MDGA2: variants seen among roughly 807,000 people sequenced by gnomAD.
The protein encoded by MDGA2 is MAM domain containing glycosylphosphatidylinositol anchor 2, also known as MAM domain-containing glycosylphosphatidylinositol anchor protein 2.
A neutral mutation model predicts 117.8 loss-of-function variants in MDGA2; 40 were observed. The observed-to-expected ratio is 0.34, with a 90% CI of 0.26 to 0.44. MDGA2 has a LOEUF of 0.44. MDGA2 is among the 20% of genes least tolerant of loss of function. The pLI, the probability that MDGA2 is intolerant of heterozygous loss-of-function variation, is 1.00. For missense variants in MDGA2, 1,123 were observed against 1,250.6 expected, an observed-to-expected ratio of 0.90 and a Z score of 1.54; for synonymous variants, 452 against 439.0, an observed-to-expected ratio of 1.03 and a Z score of -0.37.
chr14:47,076,019 C>T lies in MDGA2; in HGVS notation c.1196-14441G>A, dbSNP rs1890478084. Reference sequence around the variant, plus strand: ...TAGTATCGAATACTCACAAAAAAACCCAAAGAATAACTAACAAATAAAACT... The same window carrying T: ...TAGTATCGAATACTCACAAAAAAACTCAAAGAATAACTAACAAATAAAACT... On this transcript the variant is annotated intron_variant, in intron 6 of 16. Transcript: ENST00000399232. Among the ~76,000 whole-genome samples the T allele has an allele frequency of 6.6e-5, 10 of 151,912 alleles. No individual in the cohort carries two copies. In the South Asian group the frequency reaches 2.1e-3, roughly 31 times the overall value.
At chr14:47,270,589 T>C (rs923028916) in intron 2 of MDGA2, among the ~76,000 whole-genome samples, 2 of 152,176 alleles carry the variant, frequency 1.3e-5, no homozygotes, top group Non-Finnish European at 2.9e-5. Flanking sequence ...GTGGCTCAAA[T>C]GACAAGGTGG....
intron 2 of MDGA2, among the ~76,000 whole-genome samples, chr14:47,235,623 G>A (rs1182282286): frequency 6.6e-6 from 1 of 152,202 alleles, no homozygotes; most frequent in African/African-American, 2.4e-5. Context: ...GAGAAGAAAA[G>A]GGGATGGACA....
chr14:47,002,813 G>A (rs1037955500), intron 8 of MDGA2, among the ~76,000 whole-genome samples: 1 of 152,018 alleles, frequency 6.6e-6, no homozygotes, highest in African/African-American at 2.4e-5. Flanking sequence ...TGCATTTTGT[G>A]TAAGTCTGTC....
chr14:47,322,253 G>A (rs1890002256), intron 1 of MDGA2, among the ~76,000 whole-genome samples: 1 of 152,132 alleles, frequency 6.6e-6, no homozygotes, highest in Admixed American at 6.6e-5. Context: ...AGAGTAAACA[G>A]TTGTAAAGCA....
At chr14:47,036,788 TATAGAGACAA>T (rs1455928604) in intron 7 of MDGA2, among the ~76,000 whole-genome samples, 4 of 152,244 alleles carry the variant, frequency 2.6e-5, no homozygotes. Flanking sequence ...TTTTCCTCAT[TATAGAGACAA>T]ATAAATTCAA....
At chr14:47,414,341 T>C (rs182696641) in intron 1 of MDGA2, among the ~76,000 whole-genome samples, 4 of 152,316 alleles carry the variant, frequency 2.6e-5, no homozygotes, top group Admixed American at 1.3e-4. Flanking sequence ...TTGAGTATTT[T>C]ATTACAGTAT....
chr14:47,522,596 T>A (rs1037529128), intron 1 of MDGA2, among the ~76,000 whole-genome samples: 7 of 81,810 alleles, frequency 8.6e-5, no homozygotes, highest in African/African-American at 2.7e-4. Flanking sequence ...ATTTCTAAGT[T>A]TCAAATTTTA....
intron 5 of MDGA2, among the ~76,000 whole-genome samples, chr14:47,099,068 GT>G (rs1880149764): frequency 6.6e-6 from 1 of 151,880 alleles, no homozygotes; most frequent in East Asian, 1.9e-4. Context: ...TATTGCTCAA[GT>G]TACGTTTATT....
chr14:47,093,823 A>G (rs993692993), intron 6 of MDGA2, among the ~76,000 whole-genome samples: 1 of 152,072 alleles, frequency 6.6e-6, no homozygotes, highest in Non-Finnish European at 1.5e-5. Flanking sequence ...CTGTGCATGG[A>G]CATTCTTAAA....
At chr14:47,510,540 C>T (rs182817695) in intron 1 of MDGA2, among the ~76,000 whole-genome samples, 2 of 152,206 alleles carry the variant, frequency 1.3e-5, no homozygotes, top group African/African-American at 4.8e-5. Flanking sequence ...GATTGTTTAA[C>T]TCAATGTCTT....
At chr14:47,295,629 C>T (rs1417935230) in intron 2 of MDGA2, among the ~76,000 whole-genome samples, 10 of 152,018 alleles carry the variant, frequency 6.6e-5, no homozygotes, top group Non-Finnish European at 2.9e-5. Flanking sequence ...ATAGGCCGGG[C>T]GCAGTGGCTC....
At chr14:47,587,659 A>T (rs548774011) in intron 1 of MDGA2, among the ~76,000 whole-genome samples, 1 of 152,072 alleles carries the variant, frequency 6.6e-6, no homozygotes, top group South Asian at 2.1e-4. Context: ...GTTTCTGTTC[A>T]AAGTATTCAT....
At chr14:47,295,951 TAG>T (rs1889055876) in intron 2 of MDGA2, among the ~76,000 whole-genome samples, 1 of 150,766 alleles carries the variant, frequency 6.6e-6, no homozygotes, top group Admixed American at 6.6e-5. Context: ...GATAGATAGA[TAG>T]ATAGATAGAT....
chr14:47,500,810 TA>T (rs902616038), intron 1 of MDGA2, among the ~76,000 whole-genome samples: 6 of 152,000 alleles, frequency 3.9e-5, no homozygotes, highest in African/African-American at 1.4e-4. Context: ...CAAAGTTGGT[TA>T]AAAAAAGAAA....
chr14:46,843,691 G>C (rs1880706366), intron 16 of MDGA2, among the ~76,000 whole-genome samples: 1 of 151,976 alleles, frequency 6.6e-6, no homozygotes, highest in East Asian at 1.9e-4. Flanking sequence ...TAAGAATTGA[G>C]TCAATTCAGT....
intron 3 of MDGA2, 150 bp from the exon 4 acceptor site, chr14:47,144,424 T>C (rs1215691842): frequency 3.6e-6 from 2 of 552,690 alleles, no homozygotes; most frequent in Non-Finnish European, 6.3e-6. Flanking sequence ...GCTTATTGAA[T>C]TCATTTACAA....
At position 47,503,438 on chromosome 14, in the gene MDGA2, T is replaced by C. The variant is rs1594889989; in HGVS notation, c.280+171079A>G. ...TCTACTACCTTTTTTTTTTTTTTTT[T>C]TGGAGATGGAGTCTCGCTCTGTTGC... On this transcript the variant is annotated intron_variant, in intron 1 of 16. Coordinates refer to ENST00000399232, the MANE Select transcript of MDGA2 (RefSeq NM_001113498.3). Among the ~76,000 whole-genome samples the C allele has an allele frequency of 2.0e-5, 3 of 151,060 alleles. No homozygotes were observed. The South Asian group carries it at 6.3e-4, about 32-fold the overall frequency.
Position 47,307,152 on chromosome 14 carries a change from G to A in MDGA2, c.281-5602C>T, listed in dbSNP as rs191389655. 4.5e-3 allele frequency among the ~76,000 whole-genome samples: 679 copies of A among 152,290 alleles called. 9 individuals carry two copies. Among genetic ancestry groups the A allele is most frequent in the African/African-American group, 0.015 (635 of 41,580 alleles). On this transcript the variant is annotated intron_variant, in intron 1 of 16. Transcript: ENST00000399232. ...TATCTCAAAATGTTCAATGTAGCAC[G>A]TGTATAGTACTTCAAGGATATGGTG...
rs746778179 is a variant in MDGA2 at position 46,964,919 on chromosome 14, C to CTTTTTTTTTTTTT, written c.1820-7289_1820-7277dup. ...GAAAATATCCCCAAATATATATTTA[C>CTTTTTTTTTTTTT]TTTTTTTTTTTTTTTTTTTTTTGAG... On this transcript the variant is annotated intron_variant, in intron 8 of 16. Coordinates refer to ENST00000399232, the MANE Select transcript of MDGA2 (RefSeq NM_001113498.3). 2.0e-3 allele frequency among the ~76,000 whole-genome samples: 181 copies of CTTTTTTTTTTTTT among 89,784 alleles called. 28 individuals are homozygous for CTTTTTTTTTTTTT. Among genetic ancestry groups the CTTTTTTTTTTTTT allele is most frequent in the African/African-American group, 6.1e-3 (100 of 16,306 alleles). The allele number at this position is 89,784 out of a possible 152,430, so 58.9% of individuals were successfully genotyped here. A position where few individuals can be genotyped will look rare whatever the true frequency, so the allele number is the denominator to read the frequency against.
Sources: gnomAD v4.1 joint callset for allele counts (sites outside exome capture counted in the v4.1 genomes callset) on GRCh38, gnomAD v4.1.1 for gene constraint, MANE v1.5 for transcripts, NCBI Gene and HGNC (gene_info 2026-07-23, HGNC 2026-07-21) for gene names.